LDLRAD3: variants seen among roughly 807,000 people sequenced by gnomAD.
LDLRAD3 encodes the protein low-density lipoprotein receptor class A domain-containing protein 3.
LDLRAD3 carries 20 observed loss-of-function variants against 29.4 expected under a neutral mutation model. The ratio of observed to expected loss-of-function variants is 0.68; its 90% CI spans 0.48 to 0.99. The LOEUF (loss-of-function observed/expected upper bound fraction) is 0.99. Ranked by LOEUF, LDLRAD3 falls within the 50% of genes least tolerant of loss-of-function variation. The pLI, the probability that LDLRAD3 is intolerant of heterozygous loss-of-function variation, is 0.00. For missense variants in LDLRAD3, 420 were observed against 454.3 expected (o/e 0.92, Z 0.69); for synonymous variants, 157 against 192.7 (o/e 0.81, Z 1.53).
intron 1 of LDLRAD3, among the ~76,000 whole-genome samples, chr11:35,961,307 G>A (rs149409996): frequency 4.1e-4 from 62 of 152,322 alleles, no homozygotes; most frequent in African/African-American, 8.7e-4. Flanking sequence ...TCTAGGCTCC[G>A]CTTCCACTGG....
intron 3 of LDLRAD3, among the ~76,000 whole-genome samples, chr11:36,087,925 C>T (rs896315150): frequency 5.9e-5 from 9 of 151,894 alleles, no homozygotes; most frequent in African/African-American, 1.9e-4. Flanking sequence ...AACCCTGTTA[C>T]CCAGGCTAGT....
intron 3 of LDLRAD3, among the ~76,000 whole-genome samples, chr11:36,083,121 A>G (rs1168664098): frequency 6.6e-6 from 1 of 152,190 alleles, no homozygotes; most frequent in Non-Finnish European, 1.5e-5. Context: ...TCCCATTATC[A>G]ATATCCTCGG....
At chr11:36,002,727 C>T (rs1464989962) in intron 1 of LDLRAD3, among the ~76,000 whole-genome samples, 2 of 152,144 alleles carry the variant, frequency 1.3e-5, no homozygotes, top group African/African-American at 4.8e-5. Flanking sequence ...AAATAGCTTG[C>T]AAAAATGATT....
chr11:36,101,120 C>T (rs1326653903), intron 4 of LDLRAD3, among the ~76,000 whole-genome samples: 2 of 152,158 alleles, frequency 1.3e-5, no homozygotes, highest in Non-Finnish European at 2.9e-5. Flanking sequence ...GAGGGCATCC[C>T]CTTAGAAAAT....
chr11:36,068,552 T>A (rs1852835832), intron 2 of LDLRAD3, among the ~76,000 whole-genome samples: 1 of 152,180 alleles, frequency 6.6e-6, no homozygotes, highest in Non-Finnish European at 1.5e-5. Context: ...AGTCTCACTC[T>A]GTCACCCAGG....
intron 2 of LDLRAD3, among the ~76,000 whole-genome samples, chr11:36,071,478 A>G (rs1852901741): frequency 6.6e-6 from 1 of 152,212 alleles, no homozygotes; most frequent in Non-Finnish European, 1.5e-5. Flanking sequence ...AAAACACCCC[A>G]AATGTCCATC....
chr11:36,212,593 A>C (rs1214520279), intron 4 of LDLRAD3, among the ~76,000 whole-genome samples: 1 of 151,562 alleles, frequency 6.6e-6, no homozygotes, highest in Non-Finnish European at 1.5e-5. Flanking sequence ...ACAGCCAATT[A>C]AATGCCTTAC....
intron 3 of LDLRAD3, among the ~76,000 whole-genome samples, chr11:36,082,754 G>A (rs1367951238): frequency 6.6e-6 from 1 of 152,116 alleles, no homozygotes; most frequent in Non-Finnish European, 1.5e-5. Flanking sequence ...TTGGATACAT[G>A]CAGATCCTTC....
chr11:35,982,242 C>G (rs963564131), intron 1 of LDLRAD3, among the ~76,000 whole-genome samples: 2 of 152,158 alleles, frequency 1.3e-5, no homozygotes, highest in Non-Finnish European at 2.9e-5. Flanking sequence ...CCCTAGCTCC[C>G]CGTGGCTTTC....
intron 4 of LDLRAD3, among the ~76,000 whole-genome samples, chr11:36,125,372 C>G (rs1266947428): frequency 6.6e-6 from 1 of 152,158 alleles, no homozygotes; most frequent in Non-Finnish European, 1.5e-5. Flanking sequence ...CTCGTTTTCT[C>G]TGCCTGTAAA....
intron 4 of LDLRAD3, among the ~76,000 whole-genome samples, chr11:36,217,499 G>A (rs78650851): frequency 6.6e-6 from 1 of 152,204 alleles, no homozygotes; most frequent in Non-Finnish European, 1.5e-5. Flanking sequence ...AATTCCTCAG[G>A]TATAGGGAGT....
intron 5 of LDLRAD3, among the ~76,000 whole-genome samples, chr11:36,228,939 C>T (rs16928578): frequency 0.042 from 6,341 of 152,258 alleles, 413 homozygotes; most frequent in African/African-American, 0.14. Context: ...GGTTTTGGCA[C>T]CGTCCGGTCA....
intron 1 of LDLRAD3, among the ~76,000 whole-genome samples, chr11:35,945,398 C>T (rs961818689): frequency 4.6e-5 from 7 of 152,224 alleles, no homozygotes; most frequent in Non-Finnish European, 1.0e-4. Context: ...GACATCATCT[C>T]CACTCCTCTG....
intron 1 of LDLRAD3, among the ~76,000 whole-genome samples, chr11:35,973,145 AGTTTTGTTTT>A (rs71457394): frequency 3.3e-5 from 5 of 149,614 alleles, no homozygotes; most frequent in South Asian, 2.1e-4. Context: ...GAGGCACCTC[AGTTTTGTTTT>A]GTTTTGTTTT....
At chr11:35,984,934 CTTTTT>C (rs1285306835) in intron 1 of LDLRAD3, among the ~76,000 whole-genome samples, 1 of 127,986 alleles carries the variant, frequency 7.8e-6, no homozygotes. Flanking sequence ...CCTGCCTGTT[CTTTTT>C]TTTTTTTTTT....
In LDLRAD3 at chr11:36,144,726, C is replaced by T. The variant is rs1468378658; in HGVS notation, c.454+46265C>T. Among the ~76,000 whole-genome samples the T allele has an allele frequency of 7.3e-4, 94 of 128,836 alleles. No homozygotes were observed. In the East Asian group the frequency reaches 0.02, roughly 27 times the overall value. The allele number at this position is 128,836 out of a possible 152,430, so 84.5% of individuals were successfully genotyped here. A position where few individuals can be genotyped will look rare whatever the true frequency, so the allele number is the denominator to read the frequency against. ...CCGTCTGGGAAGTGAGGAGCGTCTC[C>T]GCCCGGCAGCCACCCCGTCCGGGAG... On this transcript the variant is annotated intron_variant, in intron 4 of 5. Coordinates refer to ENST00000315571, the MANE Select transcript of LDLRAD3 (RefSeq NM_174902.4).
chr11:35,999,620 G>A (rs1324111668), intron 1 of LDLRAD3, among the ~76,000 whole-genome samples: 1 of 152,184 alleles, frequency 6.6e-6, no homozygotes, highest in African/African-American at 2.4e-5. Flanking sequence ...TCTCCCTCAC[G>A]CTCTTCCATT....
intron 4 of LDLRAD3, among the ~76,000 whole-genome samples, chr11:36,168,227 G>A (rs1013498021): frequency 6.6e-6 from 1 of 152,122 alleles, no homozygotes; most frequent in African/African-American, 2.4e-5. Context: ...AAACCAACAA[G>A]ATCATAAAGC....
intron 1 of LDLRAD3, among the ~76,000 whole-genome samples, chr11:36,002,010 T>G (rs1481186549): frequency 6.6e-6 from 1 of 152,228 alleles, no homozygotes; most frequent in East Asian, 1.9e-4. Context: ...TCTGTTCTAA[T>G]ATTAATTAAC....
Sources: gnomAD v4.1 joint callset for allele counts (sites outside exome capture counted in the v4.1 genomes callset) on GRCh38, gnomAD v4.1.1 for gene constraint, MANE v1.5 for transcripts, NCBI Gene and HGNC (gene_info 2026-07-23, HGNC 2026-07-21) for gene names.